Variants in SGCZ observed in about 807,000 individuals in gnomAD.
SGCZ encodes the protein sarcoglycan zeta, also known as zeta-sarcoglycan.
In SGCZ, 40 loss-of-function variants were observed where a neutral mutation model predicts 41.3. That is an observed-to-expected ratio of 0.97 (90% CI 0.75 to 1.26). SGCZ has a LOEUF of 1.26. Ranked by LOEUF, SGCZ falls within the 50% of genes most tolerant of loss-of-function variation. The pLI is 0.00. For synonymous variants in SGCZ, 206 were observed against 137.5 expected, an observed-to-expected ratio of 1.50 and a Z score of -3.49; for missense variants, 552 against 369.8, an observed-to-expected ratio of 1.49 and a Z score of -4.04.
chr8:15,156,807 G>A (rs1181904998), intron 1 of SGCZ, among the ~76,000 whole-genome samples: 1 of 152,036 alleles, frequency 6.6e-6, no homozygotes, highest in East Asian at 1.9e-4. Flanking sequence ...AGCTGAGTGT[G>A]GTGGTGGATG....
At chr8:14,945,835 T>G (rs1009027484) in intron 1 of SGCZ, among the ~76,000 whole-genome samples, 1 of 150,502 alleles carries the variant, frequency 6.6e-6, no homozygotes. Context: ...CCCCCTCAGG[T>G]TCTCACACCT....
rs188190706 is a variant in SGCZ, at chr8:14,194,494, G to A, written c.425-29792C>T. Among the ~76,000 whole-genome samples, 4 of 151,986 alleles carry A rather than the reference G, an allele frequency of 2.6e-5. No homozygotes were observed. The East Asian group carries it at 7.7e-4, about 29-fold the overall frequency. On this transcript the variant is annotated intron_variant, in intron 4 of 7. Transcript: ENST00000382080. ...CTCATTGTGGTCATACTTTGCTTGA[G>A]TATTCATTTATGTTTGGGACTCTGA...
At chr8:15,193,056 G>A (rs1800591660) in intron 1 of SGCZ, among the ~76,000 whole-genome samples, 1 of 152,050 alleles carries the variant, frequency 6.6e-6, no homozygotes, top group African/African-American at 2.4e-5. Context: ...ACTGGTAGTG[G>A]AGGTGGAAAT....
chr8:14,943,303 T>G (rs927407693), intron 1 of SGCZ, among the ~76,000 whole-genome samples: 2 of 152,162 alleles, frequency 1.3e-5, no homozygotes, highest in Non-Finnish European at 2.9e-5. Context: ...CCTTCTACCT[T>G]AAATATTTAA....
At chr8:14,768,657 A>G (rs1180836494) in intron 1 of SGCZ, among the ~76,000 whole-genome samples, 2 of 152,092 alleles carry the variant, frequency 1.3e-5, no homozygotes, top group Non-Finnish European at 2.9e-5. Flanking sequence ...ACCATTTCTC[A>G]CTAAACACAC....
At chr8:15,125,915 G>T (rs983959352) in intron 1 of SGCZ, among the ~76,000 whole-genome samples, 3 of 152,172 alleles carry the variant, frequency 2.0e-5, no homozygotes, top group African/African-American at 7.2e-5. Context: ...GGAAGCCAAG[G>T]CAAGTGGATC....
At chr8:14,106,542 T>G (rs1216771937) in intron 6 of SGCZ, among the ~76,000 whole-genome samples, 1 of 152,216 alleles carries the variant, frequency 6.6e-6, no homozygotes, top group African/African-American at 2.4e-5. Context: ...TAGGAAATTT[T>G]ATCATAGGAC....
At chr8:15,129,623 A>C (rs188641864) in intron 1 of SGCZ, among the ~76,000 whole-genome samples, 5 of 151,286 alleles carry the variant, frequency 3.3e-5, no homozygotes, top group Non-Finnish European at 7.4e-5. Context: ...CCAGCCATGC[A>C]TGGGAACAGC....
chr8:15,056,812 G>T (rs1804723709), intron 1 of SGCZ, among the ~76,000 whole-genome samples: 1 of 152,062 alleles, frequency 6.6e-6, no homozygotes, highest in Non-Finnish European at 1.5e-5. Context: ...TTTTTTGAGG[G>T]TCTCCAAATT....
intron 1 of SGCZ, among the ~76,000 whole-genome samples, chr8:15,161,320 A>C (rs1359127108): frequency 6.6e-6 from 1 of 152,020 alleles, no homozygotes; most frequent in African/African-American, 2.4e-5. Context: ...ACCATATTTA[A>C]AATTTCAGCT....
At chr8:15,083,622 C>T (rs1805838581) in intron 1 of SGCZ, among the ~76,000 whole-genome samples, 1 of 152,150 alleles carries the variant, frequency 6.6e-6, no homozygotes, top group South Asian at 2.1e-4. Context: ...TATCACAGCT[C>T]ACTGCAGCCT....
intron 1 of SGCZ, among the ~76,000 whole-genome samples, chr8:14,704,965 T>C (rs376357319): frequency 2.0e-5 from 3 of 152,122 alleles, no homozygotes; most frequent in African/African-American, 7.2e-5. Flanking sequence ...ATATAAAAAG[T>C]CTGATTACTT....
At chr8:14,137,796 C>G (rs1357743454) in intron 5 of SGCZ, among the ~76,000 whole-genome samples, 1 of 152,156 alleles carries the variant, frequency 6.6e-6, no homozygotes, top group Admixed American at 6.5e-5. Context: ...TCTAGCAAGG[C>G]AGACCAACAT....
chr8:14,558,334 G>A (rs1232098562), intron 1 of SGCZ, among the ~76,000 whole-genome samples: 4 of 152,076 alleles, frequency 2.6e-5, no homozygotes, highest in Non-Finnish European at 5.9e-5. Context: ...CAGTACTTTT[G>A]GAAGCCAAGG....
intron 3 of SGCZ, among the ~76,000 whole-genome samples, chr8:14,298,177 T>C (rs896328872): frequency 2.6e-5 from 4 of 152,006 alleles, no homozygotes; most frequent in Admixed American, 6.6e-5. Flanking sequence ...ATAAATACTT[T>C]CCGTTCACTA....
chr8:14,616,867 T>C (rs1806122476), intron 1 of SGCZ, among the ~76,000 whole-genome samples: 3 of 152,326 alleles, frequency 2.0e-5, no homozygotes, highest in Middle Eastern at 6.8e-3. Flanking sequence ...GTCCTCAGCA[T>C]TGTCCTTAAG....
chr8:15,072,337 A>T (rs558210934), intron 1 of SGCZ, among the ~76,000 whole-genome samples: 1 of 152,302 alleles, frequency 6.6e-6, no homozygotes, highest in South Asian at 2.1e-4. Flanking sequence ...TTATATATCC[A>T]TGGTGTGGTT....
At chr8:14,906,686 C>G (rs909669372) in intron 1 of SGCZ, among the ~76,000 whole-genome samples, 1 of 152,058 alleles carries the variant, frequency 6.6e-6, no homozygotes, top group African/African-American at 2.4e-5. Context: ...CTAGGATTTA[C>G]AAGAATGAAG....
At chr8:14,637,791 G>T (rs1806882780) in intron 1 of SGCZ, among the ~76,000 whole-genome samples, 1 of 151,774 alleles carries the variant, frequency 6.6e-6, no homozygotes, top group Non-Finnish European at 1.5e-5. Flanking sequence ...ATGCATGCAT[G>T]TATCTTTTTG....
Sources: gnomAD v4.1 joint callset for allele counts (sites outside exome capture counted in the v4.1 genomes callset) on GRCh38, gnomAD v4.1.1 for gene constraint, MANE v1.5 for transcripts, NCBI Gene and HGNC (gene_info 2026-07-23, HGNC 2026-07-21) for gene names.